The following LAMA2 variants were observed in gnomAD, a reference collection of about 807,000 sequenced individuals.
LAMA2 encodes the protein laminin subunit alpha-2.
Under a neutral mutation model 364.8 loss-of-function variants are expected in LAMA2, and 269 were observed. That is an observed-to-expected ratio of 0.74 (90% confidence interval 0.67 to 0.82). LAMA2 has a LOEUF of 0.82. Ranked by LOEUF, LAMA2 falls within the 40% of genes least tolerant of loss-of-function variation. LAMA2 has a pLI of 0.00. For missense variants in LAMA2, 3,807 were observed against 3,873.2 expected (o/e 0.98, Z 0.45); for synonymous variants, 1,379 against 1,370.6 (o/e 1.01, Z -0.14).
intron 40 of LAMA2, among the ~76,000 whole-genome samples, chr6:129,419,442 C>T (rs1344317358): frequency 6.6e-6 from 1 of 152,068 alleles, no homozygotes; most frequent in Non-Finnish European, 1.5e-5. Flanking sequence ...TCTCCATTAC[C>T]TTTACTCAAA....
chr6:129,436,572 G>A (rs1781842472), intron 41 of LAMA2, among the ~76,000 whole-genome samples: 1 of 151,816 alleles, frequency 6.6e-6, no homozygotes, highest in East Asian at 1.9e-4. Context: ...TATATTGAAG[G>A]GTAAATTTCT....
intron 53 of LAMA2, among the ~76,000 whole-genome samples, chr6:129,475,840 A>T (rs1784043254): frequency 6.6e-6 from 1 of 152,160 alleles, no homozygotes; most frequent in African/African-American, 2.4e-5. Flanking sequence ...GTGCTCTCAC[A>T]TGCTTACCAC....
intron 9 of LAMA2, among the ~76,000 whole-genome samples, chr6:129,171,195 G>T (rs1780126309): frequency 6.6e-6 from 1 of 152,018 alleles, no homozygotes; most frequent in African/African-American, 2.4e-5. Context: ...ATATTGTTAT[G>T]TGTGAATTTG....
At chr6:128,972,886 C>A (rs1782277262) in intron 1 of LAMA2, among the ~76,000 whole-genome samples, 1 of 152,004 alleles carries the variant, frequency 6.6e-6, no homozygotes, top group Non-Finnish European at 1.5e-5. Flanking sequence ...TAATGGCTTT[C>A]CAATATTCTT....
intron 20 of LAMA2, chr6:129,293,133 TC>T: frequency 1.0e-6 from 1 of 960,044 alleles, no homozygotes; most frequent in Non-Finnish European, 1.2e-6. Flanking sequence ...TGGCTGAAGT[TC>T]CCTGGTGGCA....
At chr6:129,159,712 A>G (rs1278590725) in intron 8 of LAMA2, among the ~76,000 whole-genome samples, 1 of 152,212 alleles carries the variant, frequency 6.6e-6, no homozygotes, top group Non-Finnish European at 1.5e-5. Flanking sequence ...ATATTTCACT[A>G]TGGAGTATGA....
intron 22 of LAMA2, among the ~76,000 whole-genome samples, chr6:129,307,762 C>T (rs1174464760): frequency 1.3e-5 from 2 of 152,150 alleles, no homozygotes; most frequent in Admixed American, 1.3e-4. Flanking sequence ...TCTTCAGTGC[C>T]TAATGCAACA....
intron 12 of LAMA2, among the ~76,000 whole-genome samples, chr6:129,245,955 AT>A (rs1785723057): frequency 6.6e-6 from 1 of 152,182 alleles, no homozygotes; most frequent in Non-Finnish European, 1.5e-5. Context: ...CGTATTCATA[AT>A]TTTTTCATAG....
intron 1 of LAMA2, among the ~76,000 whole-genome samples, chr6:128,905,758 A>G (rs1777416197): frequency 6.6e-6 from 1 of 151,738 alleles, no homozygotes; most frequent in Admixed American, 6.6e-5. Flanking sequence ...AGCATTAGGT[A>G]TATCTCCCAA....
chr6:129,185,519 TC>T (rs1354985802), intron 10 of LAMA2, among the ~76,000 whole-genome samples: 2 of 151,904 alleles, frequency 1.3e-5, no homozygotes, highest in Non-Finnish European at 2.9e-5. Flanking sequence ...AGCACACATT[TC>T]TTCCTAAAAG....
intron 1 of LAMA2, among the ~76,000 whole-genome samples, chr6:128,931,872 T>G (rs549210626): frequency 5.3e-5 from 8 of 152,338 alleles, no homozygotes; most frequent in African/African-American, 1.9e-4. Flanking sequence ...GGACTGTTAT[T>G]GTAAAATCTG....
chr6:128,922,897 G>A (rs1309853100), intron 1 of LAMA2, among the ~76,000 whole-genome samples: 2 of 151,832 alleles, frequency 1.3e-5, no homozygotes, highest in Admixed American at 6.6e-5. Flanking sequence ...AAGGTGTAAG[G>A]AAGGGATCCA....
intron 12 of LAMA2, among the ~76,000 whole-genome samples, chr6:129,212,261 G>C (rs4897304): frequency 0.1 from 15,380 of 152,154 alleles, 1,052 homozygotes; most frequent in East Asian, 0.31. Context: ...GAAGTTAGAT[G>C]TTTTGGATAT....
At chr6:129,398,809 G>T (rs568777758) in intron 37 of LAMA2, among the ~76,000 whole-genome samples, 1 of 152,140 alleles carries the variant, frequency 6.6e-6, no homozygotes, top group South Asian at 2.1e-4. Context: ...ATTTATTGAG[G>T]AAACTCATCT....
At chr6:129,483,410 T>C in intron 55 of LAMA2, among the ~76,000 whole-genome samples, 1 of 152,032 alleles carries the variant, frequency 6.6e-6, no homozygotes, top group East Asian at 1.9e-4. Context: ...TTAAGAATCA[T>C]TATAACAAAA....
At chr6:129,277,388 A>C (rs1788403412) in intron 17 of LAMA2, among the ~76,000 whole-genome samples, 1 of 152,176 alleles carries the variant, frequency 6.6e-6, no homozygotes, top group Non-Finnish European at 1.5e-5. Context: ...TTTGTTGTTG[A>C]ATGCCATCTT....
At position 129,292,028 on chromosome 6, in the gene LAMA2, C is replaced by G. The variant is rs572539932; in HGVS notation, c.2856+308C>G. The stretch of plus-strand genomic sequence containing the variant: ...ATCTGTGGAGATACTCTTTCCTTTG[C>G]CTTTACATTTTTGGCAGAATAAAAT... On this transcript the variant is annotated intron_variant, in intron 20 of 64. Transcript: ENST00000421865. Among the ~76,000 whole-genome samples the G allele has an allele frequency of 5.6e-4, 85 of 152,096 alleles. 1 individual carries two copies. Among genetic ancestry groups the G allele is most frequent in the Non-Finnish European group, 1.1e-3 (77 of 68,022 alleles).
At chr6:128,982,059 C>A (rs1782921795) in intron 1 of LAMA2, among the ~76,000 whole-genome samples, 1 of 152,126 alleles carries the variant, frequency 6.6e-6, no homozygotes, top group South Asian at 2.1e-4. Context: ...CTTGAGGTAG[C>A]AAGGATGTCT....
At chr6:128,960,767 TTC>T (rs1434819260) in intron 1 of LAMA2, among the ~76,000 whole-genome samples, 3 of 152,234 alleles carry the variant, frequency 2.0e-5, no homozygotes, top group African/African-American at 7.2e-5. Flanking sequence ...AATTTAATAA[TTC>T]TTTTGTGCTT....
Sources: allele counts gnomAD v4.1 joint callset (sites outside exome capture counted in the v4.1 genomes callset), GRCh38; gene constraint gnomAD v4.1.1; transcripts MANE v1.5; gene names NCBI Gene and HGNC (gene_info 2026-07-23, HGNC 2026-07-21).